Variants in CSMD1 observed in about 807,000 individuals in gnomAD.
The protein encoded by CSMD1 is CUB and sushi domain-containing protein 1.
Under a neutral mutation model 417.5 loss-of-function variants are expected in CSMD1, and 213 were observed. The observed-to-expected ratio is 0.51, with a 90% CI of 0.46 to 0.57. The LOEUF is 0.57. Ranked by LOEUF, CSMD1 falls within the 20% of genes least tolerant of loss-of-function variation. CSMD1 has a pLI of 0.00. For missense variants in CSMD1, 6,923 were observed against 4,529.7 expected (o/e 1.53, Z -15.17); for synonymous variants, 2,862 against 1,736.8 (o/e 1.65, Z -16.11).
At chr8:4,508,256 G>C (rs1802636515) in intron 2 of CSMD1, among the ~76,000 whole-genome samples, 1 of 151,032 alleles carries the variant, frequency 6.6e-6, no homozygotes, top group South Asian at 2.1e-4. Context: ...TTTTTCATCA[G>C]CTGTGTGTCT....
At chr8:4,059,166 A>G (rs954758774) in intron 3 of CSMD1, among the ~76,000 whole-genome samples, 2 of 152,202 alleles carry the variant, frequency 1.3e-5, no homozygotes, top group Non-Finnish European at 2.9e-5. Context: ...CTACACAGAA[A>G]CTGAACAACC....
intron 3 of CSMD1, among the ~76,000 whole-genome samples, chr8:4,302,339 A>T (rs1798023209): frequency 6.6e-6 from 1 of 152,200 alleles, no homozygotes; most frequent in Admixed American, 6.5e-5. Flanking sequence ...TAATAACAAT[A>T]ATAGTGATTC....
In CSMD1 at chr8:4,861,110, T is replaced by G. The variant is rs147923376; in HGVS notation, c.85+133222A>C. On this transcript the variant is annotated intron_variant, in intron 1 of 69. Coordinates refer to ENST00000635120, the MANE Select transcript of CSMD1 (RefSeq NM_033225.6). ...ATCTTATTTTTAGGGGCCAGAAATG[T>G]TTCTTGAATTTAGTACGTATTTAGT... 4.4e-4 allele frequency among the ~76,000 whole-genome samples: 67 copies of G among 152,272 alleles called. 3 individuals are homozygous for G. The highest frequency in any genetic ancestry group is 1.5e-3 in the African/African-American group (64 of 41,514).
At chr8:3,616,822 A>C (rs768591118) in intron 7 of CSMD1, 25 bp from the exon 8 acceptor site, 22 of 1,508,908 alleles carry the variant, frequency 1.5e-5, no homozygotes, top group Non-Finnish European at 1.8e-5. Flanking sequence ...AACATTGTCA[A>C]AATGCTGTAT....
At chr8:4,940,536 T>A (rs1050099842) in intron 1 of CSMD1, among the ~76,000 whole-genome samples, 1 of 152,220 alleles carries the variant, frequency 6.6e-6, no homozygotes, top group Non-Finnish European at 1.5e-5. Context: ...GAAATCAAAC[T>A]GAAAATTCAT....
At position 3,307,818 on chromosome 8, in the gene CSMD1, T is replaced by C. The variant is rs1454589502; in HGVS notation, c.3827A>G (p.Glu1276Gly). 1 of 1,611,974 alleles carries C rather than the reference T, an allele frequency of 6.2e-7. No individual in the cohort carries two copies. Among genetic ancestry groups the C allele is most frequent in the Admixed American group, 1.7e-5 (1 of 59,624 alleles). ...WDKPLPSCIAECGGQIHAATS... is the reference protein window; with the variant it reads ...WDKPLPSCIAGCGGQIHAATS... ...GGCTGCATGGATCTGACCACCACAT[T>C]CCGCTGTAGAAGACACAGAGAGATG... The change falls in exon 25 of 70, where the codon GAA becomes GGA. Residue 1276 changes from glutamate to glycine, a missense_variant. Physicochemically the swap from Glu to Gly is moderately conservative, Grantham distance 98. Coordinates refer to ENST00000635120, the MANE Select transcript of CSMD1 (RefSeq NM_033225.6).
At chr8:3,684,357 G>A (rs564134784) in intron 7 of CSMD1, among the ~76,000 whole-genome samples, 1 of 145,242 alleles carries the variant, frequency 6.9e-6, no homozygotes, top group Non-Finnish European at 1.5e-5. Context: ...ATACAAGCAT[G>A]TTGTATATTA....
At chr8:3,802,697 T>C (rs910504827) in intron 5 of CSMD1, among the ~76,000 whole-genome samples, 1 of 152,292 alleles carries the variant, frequency 6.6e-6, no homozygotes, top group Admixed American at 6.5e-5. Flanking sequence ...CGCAATAAAA[T>C]ATAGTGCTTG....
chr8:4,823,520 C>T (rs1247034158), intron 1 of CSMD1, among the ~76,000 whole-genome samples: 1 of 152,010 alleles, frequency 6.6e-6, no homozygotes, highest in East Asian at 1.9e-4. Context: ...CAATGTACCT[C>T]ATCTATACTG....
At chr8:4,288,386 G>T (rs961481853) in intron 3 of CSMD1, among the ~76,000 whole-genome samples, 5 of 152,108 alleles carry the variant, frequency 3.3e-5, no homozygotes, top group Non-Finnish European at 7.4e-5. Flanking sequence ...TATCTTACAA[G>T]AATGACCTAC....
At chr8:3,041,839 G>C (rs933403504) in intron 50 of CSMD1, among the ~76,000 whole-genome samples, 1 of 152,206 alleles carries the variant, frequency 6.6e-6, no homozygotes, top group Admixed American at 6.5e-5. Context: ...CCATGTAGCC[G>C]ACAGTCTGTG....
At position 3,237,033 on chromosome 8, in the gene CSMD1, C is replaced by T. The variant is rs571613838; in HGVS notation, c.4154-6802G>A. ...GTCAGCTTGAGCAACAAAGAACCTGCGCTGCCCTTCACAAAACAGCAGTGG... is the reference window on the plus strand; with the variant it reads ...GTCAGCTTGAGCAACAAAGAACCTGTGCTGCCCTTCACAAAACAGCAGTGG... On this transcript the variant is annotated intron_variant, in intron 26 of 69. Transcript: ENST00000635120. Among the ~76,000 whole-genome samples, 16 of 152,132 alleles carry T rather than the reference C, an allele frequency of 1.1e-4. 1 individual carries two copies. In the South Asian group the frequency reaches 1.9e-3, roughly 18 times the overall value.
At chr8:4,338,625 G>C (rs1800306339) in intron 3 of CSMD1, among the ~76,000 whole-genome samples, 1 of 152,036 alleles carries the variant, frequency 6.6e-6, no homozygotes, top group Non-Finnish European at 1.5e-5. Flanking sequence ...TTTAAATTAG[G>C]TCCATAAATT....
chr8:3,817,623 T>C (rs1026659412), intron 5 of CSMD1, among the ~76,000 whole-genome samples: 1 of 152,130 alleles, frequency 6.6e-6, no homozygotes, highest in African/African-American at 2.4e-5. Context: ...GCAATATTCA[T>C]CTGGCATTTT....
At chr8:3,894,659 C>T (rs73172297) in intron 5 of CSMD1, among the ~76,000 whole-genome samples, 1 of 152,160 alleles carries the variant, frequency 6.6e-6, no homozygotes, top group Non-Finnish European at 1.5e-5. Context: ...ATTAACCTAA[C>T]AAGAGAGTCT....
intron 2 of CSMD1, among the ~76,000 whole-genome samples, chr8:4,467,093 A>T (rs1338950741): frequency 1.3e-5 from 2 of 150,236 alleles, no homozygotes; most frequent in Non-Finnish European, 3.0e-5. Context: ...TTCAAATTTC[A>T]ACTTAGTCTT....
chr8:3,699,644 G>C (rs1349876620), intron 7 of CSMD1, among the ~76,000 whole-genome samples: 1 of 152,170 alleles, frequency 6.6e-6, no homozygotes, highest in Non-Finnish European at 1.5e-5. Context: ...CGTTATGACA[G>C]CACTCTGTGT....
At chr8:4,619,613 C>G (rs574033146) in intron 2 of CSMD1, among the ~76,000 whole-genome samples, 6 of 152,032 alleles carry the variant, frequency 3.9e-5, no homozygotes, top group Non-Finnish European at 8.8e-5. Flanking sequence ...CCACTCTATC[C>G]GTCTGTGCAC....
intron 2 of CSMD1, among the ~76,000 whole-genome samples, chr8:4,602,546 T>C (rs528664301): frequency 1.6e-4 from 25 of 152,350 alleles, no homozygotes; most frequent in African/African-American, 5.3e-4. Flanking sequence ...TTGGTCATTA[T>C]AGTCATTGAG....
Sources: allele counts gnomAD v4.1 joint callset (sites outside exome capture counted in the v4.1 genomes callset), GRCh38; gene constraint gnomAD v4.1.1; transcripts MANE v1.5; gene names NCBI Gene and HGNC (gene_info 2026-07-23, HGNC 2026-07-21).